CRYBG1: variants seen among roughly 807,000 people sequenced by gnomAD.
CRYBG1 encodes beta/gamma crystallin domain-containing protein 1.
Under a neutral mutation model 189.2 loss-of-function variants are expected in CRYBG1, and 139 were observed. That is an observed-to-expected ratio of 0.73 (90% CI 0.64 to 0.85). The LOEUF is 0.85. Among genes scored for constraint, CRYBG1 ranks in the 40% least tolerant of loss-of-function variants. The pLI, the probability that CRYBG1 is intolerant of heterozygous loss-of-function variation, is 0.00. For synonymous variants in CRYBG1, 1,023 were observed against 1,017.1 expected (o/e 1.01, Z -0.11); for missense variants, 2,611 against 2,675.8 (o/e 0.98, Z 0.53).
At chr6:106,517,317 C>T (rs1084697) in intron 3 of CRYBG1, among the ~76,000 whole-genome samples, 48,344 of 138,924 alleles carry the variant, frequency 0.35, 9,113 homozygotes, top group African/African-American at 0.45. Context: ...CACACACACA[C>T]ATATATATAT....
rs747040376 is a variant in CRYBG1, at chr6:106,525,183, A to C, written c.4293+3A>C. The C allele has an allele frequency of 6.2e-7, 1 of 1,614,122 alleles. No individual in the cohort carries two copies. The highest frequency in any genetic ancestry group is 2.2e-5 in the East Asian group (1 of 44,860). ...AACTCAATCCCCGACCTGGAAAGGT[A>C]AGATTATTTTCTGTTTCTAGTCTTG... On this transcript the variant is annotated splice_donor_region_variant and intron_variant, in intron 5 of 21. Transcript: ENST00000633556.
At chr6:106,364,891 G>A (rs954931426) in intron 1 of CRYBG1, among the ~76,000 whole-genome samples, 1 of 152,182 alleles carries the variant, frequency 6.6e-6, no homozygotes, top group Admixed American at 6.5e-5. Flanking sequence ...AATCATAAGA[G>A]TTGTTATAAA....
chr6:106,564,680 G>A (rs1233597875), intron 21 of CRYBG1, among the ~76,000 whole-genome samples: 2 of 152,094 alleles, frequency 1.3e-5, no homozygotes, highest in African/African-American at 2.4e-5. Flanking sequence ...GCCCACACCC[G>A]GAGAACCACT....
At position 106,519,516 on chromosome 6, in the gene CRYBG1, G is replaced by A. The variant is rs188892936; in HGVS notation, c.2308G>A (p.Asp770Asn). ...ILPATRGMNGDSSENQALGPQ... is the reference protein window; with the variant it reads ...ILPATRGMNGNSSENQALGPQ... ...GCCAGCAACCAGAGGAATGAATGGA[G>A]ACTCTTCTGAGAATCAAGCTCTTGG... Residue 770 changes from aspartate (D) to asparagine (N), a missense_variant, in exon 4 of 22, where the codon GAC becomes AAC. Asp to Asn is a conservative substitution (Grantham distance 23). Around this residue, in one of 3 missense-constraint regions of CRYBG1, gnomAD observed 1,622 missense variants for 1,735.0 expected, o/e 0.93. Transcript: ENST00000633556. 1.2e-5 allele frequency: 20 copies of A among 1,614,120 alleles called. No homozygotes were observed. The highest frequency in any genetic ancestry group is 1.7e-5 in the Non-Finnish European group (20 of 1,179,988).
chr6:106,518,982 CACACACACAT>C (rs56209934), intron 3 of CRYBG1, 139 bp from the exon 4 acceptor site: 175,826 of 760,392 alleles, frequency 0.23, 17,332 homozygotes, highest in South Asian at 0.3. Flanking sequence ...TGCGCACACA[CACACACACAT>C]ACACACACAC....
intron 7 of CRYBG1, among the ~76,000 whole-genome samples, chr6:106,529,488 A>T (rs1363423331): frequency 1.3e-5 from 2 of 152,214 alleles, no homozygotes; most frequent in African/African-American, 4.8e-5. Context: ...GAGCTTATTC[A>T]AGTGTTAATA....
chr6:106,543,823 G>A (rs527597238), intron 11 of CRYBG1, among the ~76,000 whole-genome samples: 10 of 152,178 alleles, frequency 6.6e-5, no homozygotes, highest in East Asian at 1.9e-4. Context: ...AGGCCAAGGC[G>A]GGCGGATCAC....
chr6:106,403,441 C>T (rs529228737), intron 1 of CRYBG1, among the ~76,000 whole-genome samples: 56 of 152,304 alleles, frequency 3.7e-4, no homozygotes, highest in African/African-American at 9.4e-4. Context: ...GTGCAAGACC[C>T]TGTAGTTCAC....
At position 106,497,138 on chromosome 6, in the gene CRYBG1, C is replaced by T. The variant is rs184482680; in HGVS notation, c.313-14292C>T. 1.6e-3 allele frequency among the ~76,000 whole-genome samples: 249 copies of T among 152,154 alleles called. 1 individual carries two copies. The highest frequency in any genetic ancestry group is 6.8e-3 in the Middle Eastern group (2 of 292). On this transcript the variant is annotated intron_variant, in intron 2 of 21. Transcript: ENST00000633556. Reference sequence around the variant, plus strand: ...CCACTCCTGACACATATAGTCCTAACCTCTGCCACCCTCCCCACCCCCCAT... The same window carrying T: ...CCACTCCTGACACATATAGTCCTAATCTCTGCCACCCTCCCCACCCCCCAT...
intron 2 of CRYBG1, among the ~76,000 whole-genome samples, chr6:106,490,823 C>CA (rs1276675268): frequency 2.0e-5 from 3 of 152,220 alleles, no homozygotes; most frequent in African/African-American, 7.2e-5. Context: ...GCCAAATTCC[C>CA]ATTCCCTTTC....
chr6:106,524,624 A>G (rs939799897), intron 4 of CRYBG1, among the ~76,000 whole-genome samples: 1 of 152,240 alleles, frequency 6.6e-6, no homozygotes, highest in African/African-American at 2.4e-5. Flanking sequence ...TATACCATAT[A>G]TACCATAAAC....
chr6:106,476,396 C>T lies in CRYBG1; in HGVS notation c.312+24564C>T, dbSNP rs532713492. On this transcript the variant is annotated intron_variant, in intron 2 of 21. Coordinates refer to ENST00000633556, the MANE Select transcript of CRYBG1 (RefSeq NM_001371242.2). ...ACTTAAGGAGATTAAATTCTATAAA[C>T]GTCAAGGCCCTTTTCAGCTCTAACA... 3.3e-5 allele frequency among the ~76,000 whole-genome samples: 5 copies of T among 152,098 alleles called. No homozygotes were observed. In the South Asian group the frequency reaches 6.2e-4, roughly 19 times the overall value.
intron 2 of CRYBG1, among the ~76,000 whole-genome samples, chr6:106,480,459 T>C (rs1700690528): frequency 6.7e-6 from 1 of 150,152 alleles, no homozygotes. Flanking sequence ...CGTCAGGAGA[T>C]TGAGACCATC....
At chr6:106,431,678 G>A (rs1315090435) in intron 1 of CRYBG1, among the ~76,000 whole-genome samples, 1 of 152,116 alleles carries the variant, frequency 6.6e-6, no homozygotes, top group Non-Finnish European at 1.5e-5. Flanking sequence ...CACAGAAATG[G>A]CCACACTGTT....
At chr6:106,550,479 A>C (rs1676007) in intron 13 of CRYBG1, among the ~76,000 whole-genome samples, 11,290 of 152,260 alleles carry the variant, frequency 0.074, 1,383 homozygotes, top group African/African-American at 0.25. Context: ...TTATCTTTGC[A>C]TAGGAAATAG....
intron 21 of CRYBG1, among the ~76,000 whole-genome samples, chr6:106,568,252 G>C (rs9480687): frequency 0.2 from 30,132 of 151,980 alleles, 3,510 homozygotes; most frequent in East Asian, 0.34. Context: ...GAAGGTGCTG[G>C]TGCCCCAATG....
intron 13 of CRYBG1, among the ~76,000 whole-genome samples, 170 bp from the exon 14 acceptor site, chr6:106,551,682 G>A (rs1180784808): frequency 2.0e-5 from 3 of 152,124 alleles, no homozygotes; most frequent in African/African-American, 7.2e-5. Context: ...ATTCTGATTT[G>A]TCCTATAGAC....
At chr6:106,510,294 G>A (rs562415031) in intron 2 of CRYBG1, among the ~76,000 whole-genome samples, 331 of 152,240 alleles carry the variant, frequency 2.2e-3, no homozygotes, top group African/African-American at 7.6e-3. Flanking sequence ...TCCCAGGCTC[G>A]CCTCCTCCTC....
At chr6:106,395,873 C>T (rs1323471639) in intron 1 of CRYBG1, among the ~76,000 whole-genome samples, 2 of 137,886 alleles carry the variant, frequency 1.5e-5, no homozygotes, top group Admixed American at 7.5e-5. Flanking sequence ...TTCTTCTCTA[C>T]CCTGAGCTCT....
Sources: allele counts gnomAD v4.1 joint callset (sites outside exome capture counted in the v4.1 genomes callset), GRCh38; gene constraint gnomAD v4.1.1; regional missense constraint gnomAD v4.1.1; transcripts MANE v1.5; gene names NCBI Gene and HGNC (gene_info 2026-07-23, HGNC 2026-07-21).